DMD: variants seen among roughly 807,000 people sequenced by gnomAD.
DMD encodes the protein mutant dystrophin.
A neutral mutation model predicts 330.1 loss-of-function variants in DMD; 63 were observed. That is an observed-to-expected ratio of 0.19 (90% confidence interval 0.16 to 0.24). The LOEUF (loss-of-function observed/expected upper bound fraction) is 0.24, where lower values mean the gene tolerates loss of function less well. Among genes scored for constraint, DMD ranks in the 10% least tolerant of loss-of-function variants. The pLI, the probability that DMD is intolerant of heterozygous loss-of-function variation, is 1.00. For missense variants in DMD, 3,344 were observed against 2,684.1 expected (o/e 1.25, Z -5.43); for synonymous variants, 1,223 against 959.8 (o/e 1.27, Z -5.07).
At chrX:32,519,031 G>C (rs59615239) in intron 17 of DMD, among the ~76,000 whole-genome samples, 1 of 60,486 alleles carries the variant, frequency 1.7e-5, no homozygotes, top group South Asian at 1.4e-3. Context: ...TTTTGGAAGA[G>C]ATCTTTGGAG....
At chrX:32,765,619 AAT>A (rs764324014) in intron 7 of DMD, among the ~76,000 whole-genome samples, 16 of 112,024 alleles carry the variant, frequency 1.4e-4, no homozygotes, top group Admixed American at 2.8e-4. Flanking sequence ...TTCCCTATTG[AAT>A]ATATGATTCG....
intron 1 of DMD, among the ~76,000 whole-genome samples, chrX:33,174,549 T>C (rs1240097491): frequency 9.0e-6 from 1 of 111,412 alleles, no homozygotes; most frequent in Admixed American, 9.6e-5. Flanking sequence ...ATGCAATACA[T>C]AACAACCAGA....
intron 18 of DMD, among the ~76,000 whole-genome samples, chrX:32,510,649 T>A (rs2045198550): frequency 9.0e-6 from 1 of 111,639 alleles, no homozygotes; most frequent in South Asian, 3.8e-4. Context: ...TTATGGTCTC[T>A]CCCCTTACCC....
intron 57 of DMD, among the ~76,000 whole-genome samples, chrX:31,481,945 G>T (rs1441074376): frequency 9.0e-6 from 1 of 111,227 alleles, no homozygotes; most frequent in Admixed American, 9.6e-5. Context: ...GAACCTTTCA[G>T]AATGAGAGAT....
chrX:32,654,742 G>T lies in DMD; in HGVS notation c.961-9590C>A, dbSNP rs1201289154. 4.5e-5 allele frequency among the ~76,000 whole-genome samples: 5 copies of T among 111,719 alleles called. No individual in the cohort carries two copies. The South Asian group carries it at 1.9e-3, about 41-fold the overall frequency. ...GAAGGAATGGTACCAGCTCTTCCTTGTACCTCTGGTAGAATTCGGCTGTGA... is the reference window on the plus strand; with the variant it reads ...GAAGGAATGGTACCAGCTCTTCCTTTTACCTCTGGTAGAATTCGGCTGTGA... On this transcript the variant is annotated intron_variant, in intron 9 of 78. Coordinates refer to ENST00000357033, the MANE Select transcript of DMD (RefSeq NM_004006.3).
Position 32,906,176 on chromosome X carries a change from G to A in DMD, c.94-56356C>T, listed in dbSNP as rs1437234839. Among the ~76,000 whole-genome samples, 10 of 111,496 alleles carry A rather than the reference G, an allele frequency of 9.0e-5. No individual in the cohort carries two copies. In the Admixed American group the frequency reaches 9.5e-4, roughly 11 times the overall value. On this transcript the variant is annotated intron_variant, in intron 2 of 78. Coordinates refer to ENST00000357033, the MANE Select transcript of DMD (RefSeq NM_004006.3). ...TGGATCACGGTGTTTCTCATTAATGGTGTAGCACCATCCCCTTGATGCTGT... is the reference window on the plus strand; with the variant it reads ...TGGATCACGGTGTTTCTCATTAATGATGTAGCACCATCCCCTTGATGCTGT...
At chrX:31,143,159 C>T (rs1308492588) in intron 76 of DMD, among the ~76,000 whole-genome samples, 5 of 111,232 alleles carry the variant, frequency 4.5e-5, no homozygotes, top group South Asian at 4.0e-4. Context: ...TTATGCAGTT[C>T]GATATGGTTT....
Position 32,835,174 on chromosome X carries a change from A to T in DMD, c.264+9609T>A, listed in dbSNP as rs776521529. On this transcript the variant is annotated intron_variant, in intron 4 of 78. Coordinates refer to ENST00000357033, the MANE Select transcript of DMD (RefSeq NM_004006.3). The stretch of plus-strand genomic sequence containing the variant: ...CCATTAAATATCTTTGAGAGAATAG[A>T]GTTAAGTGTAGAACTGAATTTAAAA... 6.2e-5 allele frequency among the ~76,000 whole-genome samples: 7 copies of T among 112,273 alleles called. No individual in the cohort carries two copies. In the South Asian group the frequency reaches 2.6e-3, roughly 41 times the overall value.
At position 32,501,842 on chromosome X, in the gene DMD, C is replaced by T. The variant is rs2044087804; in HGVS notation, c.2293G>A (p.Ala765Thr). ...NFSDLKEKVNAIEREKAEKFR... is the reference protein window; with the variant it reads ...NFSDLKEKVNTIEREKAEKFR... ...TTCTCAGCTTTTTCTCGCTCTATGG[C>T]CTGCAGCATGAGAGCAAAGATGAGT... Residue 765 changes from alanine to threonine, a missense_variant and splice_region_variant, in exon 19 of 79, where the codon GCC becomes ACC. By Grantham distance (58) the Ala-to-Thr change is moderately conservative. Transcript: ENST00000357033. 1.7e-6 allele frequency: 2 copies of T among 1,193,810 alleles called. No homozygotes were observed. The highest frequency in any genetic ancestry group is 3.0e-5 in the East Asian group (1 of 33,700).
At chrX:31,344,124 T>G (rs1050367070) in intron 61 of DMD, among the ~76,000 whole-genome samples, 4 of 109,883 alleles carry the variant, frequency 3.6e-5, no homozygotes, top group Non-Finnish European at 5.7e-5. Context: ...GAATTGGGAT[T>G]ATAGGCATGA....
intron 44 of DMD, among the ~76,000 whole-genome samples, chrX:31,980,012 A>G (rs1049825169): frequency 1.4e-4 from 16 of 112,431 alleles, no homozygotes; most frequent in African/African-American, 4.2e-4. Flanking sequence ...ATATTCTGTA[A>G]GATAGCAAAA....
At chrX:32,728,272 A>T (rs2067127238) in intron 7 of DMD, among the ~76,000 whole-genome samples, 1 of 112,073 alleles carries the variant, frequency 8.9e-6, no homozygotes, top group Non-Finnish European at 1.9e-5. Flanking sequence ...ACATTTTGTG[A>T]AGCAAGTCAG....
chrX:32,940,904 T>C (rs73466863), intron 2 of DMD, among the ~76,000 whole-genome samples: 11,765 of 110,400 alleles, frequency 0.11, 519 homozygotes, highest in Middle Eastern at 0.2. Context: ...AAACTACATA[T>C]CACACAAAGG....
intron 44 of DMD, among the ~76,000 whole-genome samples, chrX:32,122,709 T>C (rs945657655): frequency 9.0e-6 from 1 of 111,345 alleles, no homozygotes; most frequent in African/African-American, 3.3e-5. Context: ...TGTTTCTGAA[T>C]AAATAAACTG....
intron 52 of DMD, among the ~76,000 whole-genome samples, chrX:31,695,590 T>C (rs938747830): frequency 9.1e-6 from 1 of 110,218 alleles, no homozygotes; most frequent in African/African-American, 3.3e-5. Context: ...AAAAAAAATT[T>C]TAAAAACCTA....
At chrX:31,829,474 A>G (rs2092971568) in intron 49 of DMD, among the ~76,000 whole-genome samples, 1 of 111,154 alleles carries the variant, frequency 9.0e-6, no homozygotes, top group African/African-American at 3.3e-5. Context: ...TTTTTAATTA[A>G]GTTTCCTAAG....
chrX:32,490,694 T>C (rs1333570199), intron 20 of DMD, among the ~76,000 whole-genome samples: 1 of 111,556 alleles, frequency 9.0e-6, no homozygotes, highest in Non-Finnish European at 1.9e-5. Context: ...CTCTCACTGA[T>C]CCTTTCTGGA....
chrX:32,496,104 G>T (rs779272692), intron 19 of DMD, among the ~76,000 whole-genome samples: 4 of 111,951 alleles, frequency 3.6e-5, no homozygotes, highest in African/African-American at 1.3e-4. Context: ...TTAGAATAAT[G>T]TTAAATGTGC....
At chrX:33,276,580 T>A (rs1260344225) in intron 1 of DMD, among the ~76,000 whole-genome samples, 1 of 111,791 alleles carries the variant, frequency 8.9e-6, no homozygotes, top group African/African-American at 3.2e-5. Flanking sequence ...TTGTATTCTA[T>A]AGAGCTCCCC....
Sources: gnomAD v4.1 joint callset for allele counts (sites outside exome capture counted in the v4.1 genomes callset) on GRCh38, gnomAD v4.1.1 for gene constraint, MANE v1.5 for transcripts, NCBI Gene and HGNC (gene_info 2026-07-23, HGNC 2026-07-21) for gene names.